Variants in IPCEF1 observed in about 807,000 individuals in gnomAD.
IPCEF1 encodes interaction protein for cytohesin exchange factors 1, also known as interactor protein for cytohesin exchange factors 1.
In IPCEF1, 31 loss-of-function variants were observed where a neutral mutation model predicts 50.9. That is an observed-to-expected ratio of 0.61 (90% CI 0.46 to 0.82). The LOEUF is 0.82. IPCEF1 is among the 40% of genes least tolerant of loss of function. The pLI, the probability that IPCEF1 is intolerant of heterozygous loss-of-function variation, is 0.00. For synonymous variants in IPCEF1, 181 were observed against 192.0 expected (o/e 0.94, Z 0.47); for missense variants, 458 against 514.0 (o/e 0.89, Z 1.05).
In IPCEF1 at chr6:154,159,972, G is replaced by T; in HGVS notation, c.1173C>A (p.Tyr391Ter). The T allele has an allele frequency of 1.2e-6, 2 of 1,613,092 alleles. No homozygotes were observed. Among genetic ancestry groups the T allele is most frequent in the Non-Finnish European group, 8.5e-7 (1 of 1,179,952 alleles). The stretch of plus-strand genomic sequence containing the variant: ...GGGTGTTCATGACTTTCCACTCTCT[G>T]TATTTCCTGGCTGTCAGCTTCGGGT... ...LDDPKLTARK[Y>*]REWKVMNTLL... Residue 391 changes from tyrosine (Y) to a stop codon, truncating the protein, a stop_gained, in exon 12 of 12, where the codon TAC becomes TAA. Transcript: ENST00000367220. LOFTEE classifies it low-confidence loss of function (END_TRUNC).
Position 154,250,033 on chromosome 6 carries a change from G to C in IPCEF1, c.37-2545C>G, listed in dbSNP as rs183947150. On this transcript the variant is annotated intron_variant, in intron 3 of 11. Coordinates refer to ENST00000367220, the MANE Select transcript of IPCEF1 (RefSeq NM_001130700.2). ...CTGTTAAAACTGTTTTCCCTGACCAGAAACAGACTGCATATTATAGAAATA... is the reference window on the plus strand; with the variant it reads ...CTGTTAAAACTGTTTTCCCTGACCACAAACAGACTGCATATTATAGAAATA... 3.3e-5 allele frequency among the ~76,000 whole-genome samples: 5 copies of C among 152,124 alleles called. No individual in the cohort carries two copies. In the East Asian group the frequency reaches 9.7e-4, roughly 29 times the overall value.
At chr6:154,200,897 T>C (rs1007636626) in intron 9 of IPCEF1, among the ~76,000 whole-genome samples, 2 of 152,200 alleles carry the variant, frequency 1.3e-5, no homozygotes, top group Admixed American at 1.3e-4. Context: ...TCTGTGTCCC[T>C]ATCCAAATCT....
chr6:154,355,903 G>T (rs1041462084), intron 1 of IPCEF1, among the ~76,000 whole-genome samples: 1 of 151,030 alleles, frequency 6.6e-6, no homozygotes, highest in Admixed American at 6.6e-5. Flanking sequence ...TCCTCTCGCC[G>T]TGGTCACCCA....
chr6:154,325,334 T>C (rs754213007), intron 1 of IPCEF1, among the ~76,000 whole-genome samples: 1 of 152,246 alleles, frequency 6.6e-6, no homozygotes, highest in Non-Finnish European at 1.5e-5. Context: ...CATATCTGTA[T>C]ATGTACTTAA....
chr6:154,304,606 T>C (rs1782884305), intron 1 of IPCEF1, among the ~76,000 whole-genome samples: 1 of 152,204 alleles, frequency 6.6e-6, no homozygotes, highest in African/African-American at 2.4e-5. Flanking sequence ...GGATCTGATA[T>C]GTAAGTATTT....
chr6:154,277,128 G>A (rs959614555), intron 2 of IPCEF1, among the ~76,000 whole-genome samples: 3 of 152,172 alleles, frequency 2.0e-5, no homozygotes, highest in East Asian at 1.9e-4. Context: ...AAGGGCTCAC[G>A]TCCTGGTCAG....
intron 1 of IPCEF1, among the ~76,000 whole-genome samples, chr6:154,301,666 G>A (rs1190863930): frequency 1.3e-5 from 2 of 151,992 alleles, no homozygotes; most frequent in Admixed American, 6.6e-5. Context: ...CTGGGACTTC[G>A]GGGGATCATG....
intron 1 of IPCEF1, among the ~76,000 whole-genome samples, chr6:154,338,622 C>T (rs183237912): frequency 3.3e-5 from 5 of 152,136 alleles, no homozygotes; most frequent in Admixed American, 6.5e-5. Context: ...GGCTGATAAA[C>T]GTCTGATCTA....
At chr6:154,260,522 G>A (rs6933037) in intron 3 of IPCEF1, among the ~76,000 whole-genome samples, 87,384 of 150,442 alleles carry the variant, frequency 0.58, 25,726 homozygotes, top group South Asian at 0.76. Context: ...CCCCAGGCTA[G>A]AGTGCAGTGG....
Position 154,154,632 on chromosome 6 carries a change from T to C in IPCEF1, c.*5196A>G, listed in dbSNP as rs1798639249. 6.6e-6 allele frequency: 1 copy of C among 152,252 alleles called. No individual in the cohort carries two copies. The highest frequency in any genetic ancestry group is 1.5e-5 in the Non-Finnish European group (1 of 68,028). The allele number at this position is 152,252 out of a possible 1,614,324, so 9.4% of individuals were successfully genotyped here. A position where few individuals can be genotyped will look rare whatever the true frequency, so the allele number is the denominator to read the frequency against. On this transcript the variant is annotated 3_prime_UTR_variant, in exon 12 of 12. Transcript: ENST00000367220. ...CATTAAACACTTCCAGCCACATGTT[T>C]ATTTCTTTGAGAAAGCAACACTGCA...
intron 3 of IPCEF1, 39 bp from the exon 4 acceptor site, chr6:154,247,527 A>C: frequency 6.3e-7 from 1 of 1,582,074 alleles, no homozygotes; most frequent in East Asian, 2.2e-5. Flanking sequence ...GAAATTTCTG[A>C]TTGTGTTGTA....
At chr6:154,258,902 G>A (rs1047357717) in intron 3 of IPCEF1, among the ~76,000 whole-genome samples, 1 of 152,112 alleles carries the variant, frequency 6.6e-6, no homozygotes, top group East Asian at 1.9e-4. Flanking sequence ...CATAAAGTAA[G>A]CACTCAAAAA....
chr6:154,262,453 A>G (rs970349372), intron 3 of IPCEF1, among the ~76,000 whole-genome samples: 1 of 152,186 alleles, frequency 6.6e-6, no homozygotes, highest in Non-Finnish European at 1.5e-5. Context: ...TCCAGTTCCT[A>G]CCCTACCTGG....
chr6:154,347,498 G>C (rs1299340366), intron 1 of IPCEF1, among the ~76,000 whole-genome samples: 1 of 152,234 alleles, frequency 6.6e-6, no homozygotes, highest in East Asian at 1.9e-4. Context: ...GTCCCTTGCA[G>C]ACAGCAAGAG....
chr6:154,349,865 A>G (rs1784093430), intron 1 of IPCEF1, among the ~76,000 whole-genome samples: 1 of 152,218 alleles, frequency 6.6e-6, no homozygotes, highest in Admixed American at 6.5e-5. Context: ...GAGAAAAAAG[A>G]TATTTTTAGT....
chr6:154,214,186 C>T, intron 8 of IPCEF1, 32 bp downstream of exon 8: 3 of 1,420,216 alleles, frequency 2.1e-6, no homozygotes, highest in Non-Finnish European at 3.0e-6. Context: ...AATATTCTTG[C>T]TAAATTTTCA....
chr6:154,233,849 G>A (rs761040779), intron 5 of IPCEF1, among the ~76,000 whole-genome samples: 1 of 152,154 alleles, frequency 6.6e-6, no homozygotes, highest in Non-Finnish European at 1.5e-5. Flanking sequence ...CTGTGCAGAG[G>A]TCCTCGGAGA....
chr6:154,313,749 T>C (rs1042487209), intron 1 of IPCEF1, among the ~76,000 whole-genome samples: 1 of 151,956 alleles, frequency 6.6e-6, no homozygotes, highest in Non-Finnish European at 1.5e-5. Flanking sequence ...TTTGTTTTGT[T>C]TTTTGTTTTT....
At chr6:154,239,106 C>A (rs1780374038) in intron 5 of IPCEF1, among the ~76,000 whole-genome samples, 1 of 152,000 alleles carries the variant, frequency 6.6e-6, no homozygotes, top group Non-Finnish European at 1.5e-5. Flanking sequence ...ATATCACTGC[C>A]TTCTGAGAAC....
Sources: allele counts gnomAD v4.1 joint callset (sites outside exome capture counted in the v4.1 genomes callset), GRCh38; gene constraint gnomAD v4.1.1; transcripts MANE v1.5; gene names NCBI Gene and HGNC (gene_info 2026-07-23, HGNC 2026-07-21).